ULK4: variants seen among roughly 807,000 people sequenced by gnomAD.
The protein encoded by ULK4 is inactive serine/threonine-protein kinase ULK4.
Under a neutral mutation model 160.6 loss-of-function variants are expected in ULK4, and 133 were observed. The observed-to-expected ratio is 0.83, with a 90% CI of 0.72 to 0.96. The LOEUF is 0.96. ULK4 is among the 40% of genes least tolerant of loss of function. ULK4 has a pLI of 0.00. For synonymous variants in ULK4, 534 were observed against 539.8 expected, an observed-to-expected ratio of 0.99 and a Z score of 0.15; for missense variants, 1,580 against 1,499.5, an observed-to-expected ratio of 1.05 and a Z score of -0.89.
At chr3:41,696,797 T>C (rs1291351587) in intron 27 of ULK4, among the ~76,000 whole-genome samples, 1 of 152,030 alleles carries the variant, frequency 6.6e-6, no homozygotes, top group East Asian at 1.9e-4. Context: ...TCCAATATAA[T>C]AATAAGGATC....
At chr3:41,627,828 G>A (rs911669773) in intron 30 of ULK4, among the ~76,000 whole-genome samples, 12 of 152,206 alleles carry the variant, frequency 7.9e-5, no homozygotes, top group Admixed American at 6.5e-5. Context: ...GAGAGGAGGT[G>A]TTCGTGAGCC....
intron 32 of ULK4, among the ~76,000 whole-genome samples, chr3:41,491,295 A>C (rs1006912595): frequency 2.0e-5 from 3 of 150,056 alleles, no homozygotes; most frequent in Admixed American, 1.3e-4. Context: ...TATAAAAGCT[A>C]TTACAAAGTT....
At chr3:41,282,636 T>C (rs1448781826) in intron 35 of ULK4, among the ~76,000 whole-genome samples, 2 of 152,172 alleles carry the variant, frequency 1.3e-5, no homozygotes, top group Non-Finnish European at 2.9e-5. Context: ...TTACACCTTA[T>C]ACAAAAATTA....
rs570420269 is a variant in ULK4, at chr3:41,928,130, A to G, written c.541+3714T>C. On this transcript the variant is annotated intron_variant, in intron 5 of 36. Transcript: ENST00000301831. ...TAAAACACTCCTCAGCAAATGCAAA[A>G]GAATGGAAATCGTAACAGTCTCTCA... 1.1e-4 allele frequency among the ~76,000 whole-genome samples: 17 copies of G among 152,324 alleles called. 1 individual carries two copies. In the South Asian group the frequency reaches 3.3e-3, roughly 30 times the overall value.
chr3:41,616,466 T>C (rs879644080), intron 30 of ULK4, among the ~76,000 whole-genome samples: 1 of 152,092 alleles, frequency 6.6e-6, no homozygotes, highest in Admixed American at 6.6e-5. Flanking sequence ...TGGGACTGAT[T>C]AGGCATTGGG....
chr3:41,376,789 G>T (rs956729544), intron 35 of ULK4, among the ~76,000 whole-genome samples: 6 of 150,034 alleles, frequency 4.0e-5, no homozygotes, highest in Non-Finnish European at 7.4e-5. Context: ...CGTAAAAATG[G>T]CCATAATACC....
chr3:41,540,576 T>C (rs2086662755), intron 32 of ULK4, among the ~76,000 whole-genome samples: 1 of 152,190 alleles, frequency 6.6e-6, no homozygotes, highest in Non-Finnish European at 1.5e-5. Flanking sequence ...CTGGGTCAAA[T>C]GGTATTTCTA....
Position 41,568,740 on chromosome 3 carries a change from C to T in ULK4, c.3121-2610G>A, listed in dbSNP as rs1408329992. ...TGTGGGATTTTCCCCACACACGAAG[C>T]AAGCAATCGATTCTGCAGCTGACAC... On this transcript the variant is annotated intron_variant, in intron 31 of 36. Coordinates refer to ENST00000301831, the MANE Select transcript of ULK4 (RefSeq NM_017886.4). Among the ~76,000 whole-genome samples, 12 of 152,144 alleles carry T rather than the reference C, an allele frequency of 7.9e-5. No homozygotes were observed. In the East Asian group the frequency reaches 2.3e-3, roughly 29 times the overall value.
chr3:41,516,030 CTTAAAA>C, intron 32 of ULK4, among the ~76,000 whole-genome samples: 1 of 152,130 alleles, frequency 6.6e-6, no homozygotes, highest in Admixed American at 6.5e-5. Context: ...AAATTGTATG[CTTAAAA>C]TTAATGCACT....
At chr3:41,589,430 CAAAAAAAAAA>C (rs34913730) in intron 31 of ULK4, among the ~76,000 whole-genome samples, 1 of 72,114 alleles carries the variant, frequency 1.4e-5, no homozygotes, top group African/African-American at 5.4e-5. Context: ...AAGGCCAGGC[CAAAAAAAAAA>C]AAAAAAAAAA....
At chr3:41,692,861 T>TA (rs1384114122) in intron 27 of ULK4, among the ~76,000 whole-genome samples, 10 of 152,166 alleles carry the variant, frequency 6.6e-5, no homozygotes, top group African/African-American at 2.4e-4. Flanking sequence ...CCCATTTTTT[T>TA]AAAAATGTGT....
At chr3:41,917,140 C>T (rs1698995708) in intron 7 of ULK4, among the ~76,000 whole-genome samples, 1 of 152,160 alleles carries the variant, frequency 6.6e-6, no homozygotes, top group African/African-American at 2.4e-5. Context: ...TCCAATACCA[C>T]TAATCTCATA....
chr3:41,831,127 GAGCAATCCTCCCACCTC>G (rs1387040115), intron 18 of ULK4, among the ~76,000 whole-genome samples: 1 of 151,810 alleles, frequency 6.6e-6, no homozygotes, highest in Admixed American at 6.6e-5. Flanking sequence ...TCGTAGGCTT[GAGCAATCCTCCCACCTC>G]AGCTTCCCAA....
At chr3:41,365,214 G>A (rs1415905651) in intron 35 of ULK4, among the ~76,000 whole-genome samples, 1 of 152,154 alleles carries the variant, frequency 6.6e-6, no homozygotes. Context: ...ATGAATGAGT[G>A]TTTCTTCACA....
chr3:41,944,223 T>C (rs1287241832), intron 2 of ULK4, among the ~76,000 whole-genome samples: 2 of 152,218 alleles, frequency 1.3e-5, no homozygotes, highest in Non-Finnish European at 2.9e-5. Context: ...TCAATAAGGA[T>C]AGCAGAGAAG....
chr3:41,898,571 G>A, intron 13 of ULK4, 79 bp from the exon 14 acceptor site: 1 of 831,544 alleles, frequency 1.2e-6, no homozygotes, highest in Non-Finnish European at 1.9e-6. Flanking sequence ...CCTTATGTCA[G>A]ATAATAAATC....
chr3:41,370,666 G>C (rs991699157), intron 35 of ULK4, among the ~76,000 whole-genome samples: 2 of 152,228 alleles, frequency 1.3e-5, no homozygotes, highest in Non-Finnish European at 2.9e-5. Flanking sequence ...GCAACTTGCA[G>C]ACCAGGAAAT....
chr3:41,953,990 T>C (rs1245921566), intron 2 of ULK4, among the ~76,000 whole-genome samples: 1 of 152,028 alleles, frequency 6.6e-6, no homozygotes, highest in African/African-American at 2.4e-5. Flanking sequence ...GAGACCATCC[T>C]GGCTAACACA....
chr3:41,861,829 T>C (rs942088362), intron 17 of ULK4, among the ~76,000 whole-genome samples: 1 of 152,104 alleles, frequency 6.6e-6, no homozygotes, highest in Non-Finnish European at 1.5e-5. Flanking sequence ...GCTTCTTGTT[T>C]TTTCTTTTTT....
Sources: gnomAD v4.1 joint callset for allele counts (sites outside exome capture counted in the v4.1 genomes callset) on GRCh38, gnomAD v4.1.1 for gene constraint, MANE v1.5 for transcripts, NCBI Gene and HGNC (gene_info 2026-07-23, HGNC 2026-07-21) for gene names.